NRG3: variants seen among roughly 807,000 people sequenced by gnomAD.
The protein encoded by NRG3 is pro-neuregulin-3, membrane-bound isoform.
A neutral mutation model predicts 66.9 loss-of-function variants in NRG3; 31 were observed. The observed-to-expected ratio is 0.46, with a 90% CI of 0.35 to 0.63. The LOEUF (loss-of-function observed/expected upper bound fraction) is 0.63. Among genes scored for constraint, NRG3 ranks in the 20% least tolerant of loss-of-function variants. The pLI is 0.00. For missense variants in NRG3, 910 were observed against 878.9 expected (o/e 1.04, Z -0.45); for synonymous variants, 393 against 359.4 (o/e 1.09, Z -1.06).
At chr10:82,883,879 A>G (rs994903876) in intron 4 of NRG3, among the ~76,000 whole-genome samples, 5 of 149,912 alleles carry the variant, frequency 3.3e-5, no homozygotes, top group Admixed American at 1.3e-4. Context: ...CTTTTCTGTC[A>G]TTTTTTTTCA....
intron 4 of NRG3, among the ~76,000 whole-genome samples, chr10:82,866,094 C>T (rs553694378): frequency 1.3e-5 from 2 of 152,178 alleles, no homozygotes; most frequent in African/African-American, 4.8e-5. Flanking sequence ...GATGGTTATA[C>T]ATTAAATGAA....
intron 3 of NRG3, among the ~76,000 whole-genome samples, chr10:82,852,277 C>A (rs2063596173): frequency 6.6e-6 from 1 of 152,018 alleles, no homozygotes; most frequent in Non-Finnish European, 1.5e-5. Flanking sequence ...GAACATCACA[C>A]ACCGGGGCCT....
chr10:82,982,269 T>C (rs1484928949), intron 8 of NRG3, among the ~76,000 whole-genome samples: 1 of 152,236 alleles, frequency 6.6e-6, no homozygotes, highest in African/African-American at 2.4e-5. Context: ...GCCTGACTCA[T>C]GAATGACTGG....
chr10:81,963,165 G>A (rs1387350390), intron 1 of NRG3, among the ~76,000 whole-genome samples: 11 of 98,370 alleles, frequency 1.1e-4, no homozygotes, highest in South Asian at 3.6e-4. Flanking sequence ...ACGGAGTCTC[G>A]CTCTGTCGCC....
At chr10:82,933,976 G>C (rs986525204) in intron 4 of NRG3, among the ~76,000 whole-genome samples, 2 of 152,124 alleles carry the variant, frequency 1.3e-5, no homozygotes, top group African/African-American at 2.4e-5. Flanking sequence ...GTAAATGGGG[G>C]TCTGGGCTCT....
chr10:82,816,807 A>G (rs1186133172), intron 3 of NRG3, among the ~76,000 whole-genome samples: 1 of 152,188 alleles, frequency 6.6e-6, no homozygotes, highest in Non-Finnish European at 1.5e-5. Flanking sequence ...CAGAGCACGC[A>G]GCCCCAGCCA....
chr10:81,915,824 T>C (rs1285325414), intron 1 of NRG3, among the ~76,000 whole-genome samples: 4 of 152,146 alleles, frequency 2.6e-5, no homozygotes, highest in Non-Finnish European at 5.9e-5. Flanking sequence ...TTCTGTCCTC[T>C]GGACAGCCTG....
Position 81,909,803 on chromosome 10 carries a change from A to G in NRG3, c.823+33640A>G, listed in dbSNP as rs527698329. Among the ~76,000 whole-genome samples, 28 of 152,344 alleles carry G rather than the reference A, an allele frequency of 1.8e-4. No individual in the cohort carries two copies. The South Asian group carries it at 5.2e-3, about 28-fold the overall frequency. The stretch of plus-strand genomic sequence containing the variant: ...AATAATATTTAAATGTAAGACATTC[A>G]ACTTGTAATCAAAATGGGAAATAGA... On this transcript the variant is annotated intron_variant, in intron 1 of 8. Transcript: ENST00000372141.
At chr10:82,366,137 T>A (rs2084504949) in intron 2 of NRG3, among the ~76,000 whole-genome samples, 1 of 152,194 alleles carries the variant, frequency 6.6e-6, no homozygotes, top group Non-Finnish European at 1.5e-5. Flanking sequence ...AATCAGAACC[T>A]TCAATATTTA....
chr10:82,385,794 T>G (rs968730991), intron 2 of NRG3, among the ~76,000 whole-genome samples: 3 of 152,140 alleles, frequency 2.0e-5, no homozygotes, highest in African/African-American at 7.2e-5. Flanking sequence ...GTTGTCCTGC[T>G]GAAAATTGTA....
intron 1 of NRG3, among the ~76,000 whole-genome samples, chr10:82,311,172 A>G (rs114649761): frequency 0.027 from 4,105 of 149,298 alleles, 148 homozygotes; most frequent in African/African-American, 0.064. Flanking sequence ...GGTTACTGAT[A>G]AGGTATTACT....
chr10:81,969,627 C>T (rs74143892), intron 1 of NRG3, among the ~76,000 whole-genome samples: 8,673 of 152,264 alleles, frequency 0.057, 632 homozygotes, highest in East Asian at 0.26. Flanking sequence ...TTACCTTTCC[C>T]GTCACCAGTT....
chr10:82,524,842 G>C (rs559944495), intron 2 of NRG3, among the ~76,000 whole-genome samples: 37 of 151,590 alleles, frequency 2.4e-4, no homozygotes, highest in African/African-American at 8.2e-4. Context: ...AATTTCACTG[G>C]GACCCTCCTA....
rs577491957 is a variant in NRG3, at chr10:82,598,284, A to G, written c.954-140293A>G. Among the ~76,000 whole-genome samples the G allele has an allele frequency of 5.9e-5, 9 of 152,354 alleles. No individual in the cohort carries two copies. The East Asian group carries it at 1.5e-3, about 26-fold the overall frequency. On this transcript the variant is annotated intron_variant, in intron 2 of 8. Transcript: ENST00000372141. The stretch of plus-strand genomic sequence containing the variant: ...TTCTCCTCAGAGAATATAGATGTCA[A>G]TGCCTGCAGATAAGCAATCCAAATA...
chr10:82,851,690 A>G (rs974210654), intron 3 of NRG3, among the ~76,000 whole-genome samples: 1 of 152,204 alleles, frequency 6.6e-6, no homozygotes, highest in African/African-American at 2.4e-5. Context: ...ACTACAAATA[A>G]GAGAGATCAC....
chr10:82,727,129 A>T (rs1301286360), intron 2 of NRG3, among the ~76,000 whole-genome samples: 1 of 152,218 alleles, frequency 6.6e-6, no homozygotes, highest in Non-Finnish European at 1.5e-5. Flanking sequence ...AGAGCATAAA[A>T]GTTCAGAAAA....
chr10:82,259,093 A>AT (rs558913046), intron 1 of NRG3, among the ~76,000 whole-genome samples: 234 of 152,248 alleles, frequency 1.5e-3, no homozygotes, highest in African/African-American at 5.5e-3. Context: ...GCCTTATGGA[A>AT]TTAATGCAAC....
chr10:82,190,018 C>T (rs556036703), intron 1 of NRG3, among the ~76,000 whole-genome samples: 1 of 151,944 alleles, frequency 6.6e-6, no homozygotes. Flanking sequence ...AAGATATAGA[C>T]GATTCCAAAA....
chr10:82,499,405 G>T (rs894047209), intron 2 of NRG3, among the ~76,000 whole-genome samples: 1 of 152,116 alleles, frequency 6.6e-6, no homozygotes, highest in South Asian at 2.1e-4. Flanking sequence ...TTTCCTAGAA[G>T]ATAATAAAAA....
Sources: gnomAD v4.1 joint callset for allele counts (sites outside exome capture counted in the v4.1 genomes callset) on GRCh38, gnomAD v4.1.1 for gene constraint, MANE v1.5 for transcripts, NCBI Gene and HGNC (gene_info 2026-07-23, HGNC 2026-07-21) for gene names.